Variants in SLIT2 observed in about 807,000 individuals in gnomAD.
SLIT2 encodes slit homolog 2 protein.
A neutral mutation model predicts 185.7 loss-of-function variants in SLIT2; 41 were observed. The ratio of observed to expected loss-of-function variants is 0.22; its 90% CI spans 0.17 to 0.29. The LOEUF is 0.29. Ranked by LOEUF, SLIT2 falls within the 10% of genes least tolerant of loss-of-function variation. The probability of loss-of-function intolerance (pLI) is 1.00; values close to 1 mark genes in which losing one functional copy is unlikely to be tolerated. For missense variants in SLIT2, 1,571 were observed against 1,909.0 expected, an observed-to-expected ratio of 0.82 and a Z score of 3.30; for synonymous variants, 693 against 680.2, an observed-to-expected ratio of 1.02 and a Z score of -0.29.
intron 4 of SLIT2, among the ~76,000 whole-genome samples, chr4:20,398,204 G>C (rs1301442276): frequency 6.6e-6 from 1 of 151,880 alleles, no homozygotes; most frequent in South Asian, 2.1e-4. Flanking sequence ...CCAAGAGAGG[G>C]CATAGAAAAA....
At position 20,484,436 on chromosome 4, in the gene SLIT2, C is replaced by CCATAAT. The variant is rs1426158154; in HGVS notation, c.540-1759_540-1758insTCATAA. Among the ~76,000 whole-genome samples the CCATAAT allele has an allele frequency of 2.0e-5, 3 of 152,038 alleles. No individual in the cohort carries two copies. Among genetic ancestry groups the CCATAAT allele is most frequent in the Non-Finnish European group, 4.4e-5 (3 of 67,988 alleles). On this transcript the variant is annotated intron_variant, in intron 6 of 36. Coordinates refer to ENST00000504154, the MANE Select transcript of SLIT2 (RefSeq NM_004787.4). This position sits in a 1 kb window ranked among gnomAD's most constrained non-coding sequence, Gnocchi z 4.3. ...ACAAATCCAGTGCTCTGTAGGTCCC[C>CCATAAT]CATAAAGTGGTTTATTTTTTGTGAC... is the stretch of plus-strand genomic sequence containing the variant.
At chr4:20,445,114 A>G (rs1317785669) in intron 4 of SLIT2, among the ~76,000 whole-genome samples, 3 of 152,278 alleles carry the variant, frequency 2.0e-5, no homozygotes, top group Admixed American at 2.0e-4. Flanking sequence ...AGTTTCTGCC[A>G]TTCCCCTCAC....
intron 12 of SLIT2, among the ~76,000 whole-genome samples, chr4:20,520,659 A>G (rs1189794633): frequency 1.3e-5 from 2 of 152,102 alleles, no homozygotes; most frequent in East Asian, 3.9e-4. Flanking sequence ...AAACTTTTTC[A>G]CCATTATGCA....
chr4:20,270,989 A>C (rs1197250261), intron 4 of SLIT2, among the ~76,000 whole-genome samples: 1 of 152,000 alleles, frequency 6.6e-6, no homozygotes, highest in Non-Finnish European at 1.5e-5. Context: ...TAATTAAATT[A>C]AACAACTGCC....
At chr4:20,582,044 G>C (rs1266025165) in intron 29 of SLIT2, among the ~76,000 whole-genome samples, 3 of 152,198 alleles carry the variant, frequency 2.0e-5, no homozygotes. Context: ...ACTGTGCCCA[G>C]CCAGAGTGCT....
At chr4:20,545,900 G>A (rs972925281) in intron 21 of SLIT2, 131 bp from the exon 22 acceptor site, 13 of 440,452 alleles carry the variant, frequency 3.0e-5, no homozygotes, top group African/African-American at 2.3e-4. Context: ...ATCCATGCTT[G>A]GAACACGACA....
intron 2 of SLIT2, 118 bp downstream of exon 2, chr4:20,256,861 T>C (rs1711904721): frequency 3.7e-6 from 2 of 536,666 alleles, no homozygotes. Flanking sequence ...TAAAAGGTCA[T>C]GCTTTCCTTT....
chr4:20,308,292 C>T (rs754614845), intron 4 of SLIT2, among the ~76,000 whole-genome samples: 7 of 152,124 alleles, frequency 4.6e-5, no homozygotes, highest in East Asian at 1.9e-4. Flanking sequence ...CATGGTAAAA[C>T]GAGTGGAAAA....
chr4:20,295,963 A>C (rs1224450163), intron 4 of SLIT2, among the ~76,000 whole-genome samples: 1 of 152,250 alleles, frequency 6.6e-6, no homozygotes, highest in Non-Finnish European at 1.5e-5. Flanking sequence ...CTTTATCTGT[A>C]TGATGGCCAG....
At chr4:20,540,550 A>T (rs1472262624) in intron 19 of SLIT2, among the ~76,000 whole-genome samples, 1 of 152,166 alleles carries the variant, frequency 6.6e-6, no homozygotes, top group Non-Finnish European at 1.5e-5. Flanking sequence ...ACCTCCAAAC[A>T]ATGTATTTCA....
intron 4 of SLIT2, among the ~76,000 whole-genome samples, chr4:20,460,823 A>C (rs1457422911): frequency 6.6e-6 from 1 of 152,168 alleles, no homozygotes; most frequent in African/African-American, 2.4e-5. Context: ...GGAACCTAAA[A>C]ATGTCAACTT....
intron 5 of SLIT2, among the ~76,000 whole-genome samples, chr4:20,475,762 TCCCA>T (rs1716033776): frequency 6.6e-6 from 1 of 152,128 alleles, no homozygotes. Flanking sequence ...CACTTACAAT[TCCCA>T]GGACTTAATG....
At chr4:20,263,300 A>G (rs547215769) in intron 3 of SLIT2, among the ~76,000 whole-genome samples, 2 of 144,384 alleles carry the variant, frequency 1.4e-5, no homozygotes, top group South Asian at 2.1e-4. Flanking sequence ...CGAAAGCTTG[A>G]TAATAGGGCT....
At chr4:20,617,363 ATTCTTATATC>A in intron 35 of SLIT2, 66 bp from the exon 36 acceptor site, 7 of 1,463,418 alleles carry the variant, frequency 4.8e-6, no homozygotes, top group Non-Finnish European at 6.6e-6. Context: ...ATCATCCTCC[ATTCTTATATC>A]ACCTCCGTTC....
intron 28 of SLIT2, among the ~76,000 whole-genome samples, 156 bp downstream of exon 28, chr4:20,567,771 A>G (rs1291225509): frequency 6.6e-6 from 1 of 152,132 alleles, no homozygotes; most frequent in Non-Finnish European, 1.5e-5. Context: ...ATATTGCAAT[A>G]TAAAAAATAA....
chr4:20,510,960 T>C (rs374500482), intron 10 of SLIT2, 106 bp from the exon 11 acceptor site: 23 of 676,986 alleles, frequency 3.4e-5, no homozygotes, highest in East Asian at 1.3e-4. Flanking sequence ...TTTGGACATG[T>C]CTTGATAAGT....
chr4:20,384,974 A>G (rs1379731590), intron 4 of SLIT2, among the ~76,000 whole-genome samples: 2 of 152,180 alleles, frequency 1.3e-5, no homozygotes, highest in Non-Finnish European at 2.9e-5. Context: ...AATGCAAAAG[A>G]ACTTCCAAAA....
At chr4:20,568,069 C>T (rs990102609) in intron 28 of SLIT2, among the ~76,000 whole-genome samples, 2 of 152,072 alleles carry the variant, frequency 1.3e-5, no homozygotes, top group African/African-American at 2.4e-5. Context: ...AGTAGACAGA[C>T]TTGCTGTGAA....
At chr4:20,281,830 A>G (rs990429628) in intron 4 of SLIT2, among the ~76,000 whole-genome samples, 2 of 152,236 alleles carry the variant, frequency 1.3e-5, no homozygotes, top group East Asian at 3.8e-4. Context: ...GCAAAGTTGT[A>G]TGAATGAGAA....
Sources: gnomAD v4.1 joint callset for allele counts (sites outside exome capture counted in the v4.1 genomes callset) on GRCh38, gnomAD v4.1.1 for gene constraint, Gnocchi (gnomAD v3.1) non-coding constraint, MANE v1.5 for transcripts, NCBI Gene and HGNC (gene_info 2026-07-23, HGNC 2026-07-21) for gene names.